The following UNC5D variants were observed in gnomAD, a reference collection of about 807,000 sequenced individuals.
The protein encoded by UNC5D is netrin receptor UNC5D.
UNC5D carries 39 observed loss-of-function variants against 105.4 expected under a neutral mutation model. The ratio of observed to expected loss-of-function variants is 0.37; its 90% CI spans 0.29 to 0.48. The LOEUF is 0.48. Among genes scored for constraint, UNC5D ranks in the 20% least tolerant of loss-of-function variants. The pLI is 0.98. For missense variants in UNC5D, 991 were observed against 1,202.4 expected (o/e 0.82, Z 2.60); for synonymous variants, 452 against 450.4 (o/e 1.00, Z -0.04).
chr8:35,719,891 G>A (rs1046712065), intron 8 of UNC5D, among the ~76,000 whole-genome samples: 4 of 152,118 alleles, frequency 2.6e-5, no homozygotes, highest in Admixed American at 6.5e-5. Flanking sequence ...TGTCCCTGAA[G>A]TTCCTCTACT....
At chr8:35,627,299 A>G (rs937896451) in intron 4 of UNC5D, among the ~76,000 whole-genome samples, 1 of 152,202 alleles carries the variant, frequency 6.6e-6, no homozygotes, top group East Asian at 1.9e-4. Context: ...ACGTTCAGAC[A>G]TAATCATCTG....
chr8:35,768,001 AATAT>A (rs1219307587), intron 15 of UNC5D, among the ~76,000 whole-genome samples: 3 of 150,354 alleles, frequency 2.0e-5, no homozygotes, highest in Non-Finnish European at 3.0e-5. Context: ...TTATAAAATA[AATAT>A]ATATATACAT....
chr8:35,716,239 A>T (rs931073814), intron 8 of UNC5D, among the ~76,000 whole-genome samples: 1 of 152,224 alleles, frequency 6.6e-6, no homozygotes, highest in Non-Finnish European at 1.5e-5. Context: ...ATGCGTCATC[A>T]TCAGTAAAAT....
chr8:35,610,626 C>A (rs1820609802), intron 4 of UNC5D, among the ~76,000 whole-genome samples: 1 of 151,784 alleles, frequency 6.6e-6, no homozygotes, highest in Non-Finnish European at 1.5e-5. Context: ...TAGAAGAGGC[C>A]ATGTAGAAGA....
intron 11 of UNC5D, among the ~76,000 whole-genome samples, chr8:35,739,801 CATTTT>C (rs1255674349): frequency 4.6e-5 from 7 of 152,194 alleles, no homozygotes; most frequent in Admixed American, 3.3e-4. Context: ...CTTTCCACTT[CATTTT>C]GTTATAGCCT....
In UNC5D at chr8:35,725,970, G is replaced by A. The variant is rs114905666; in HGVS notation, c.1304-182G>A. Among the ~76,000 whole-genome samples, 1,051 of 152,188 alleles carry A rather than the reference G, an allele frequency of 6.9e-3. 10 individuals are homozygous for A. The highest frequency in any genetic ancestry group is 0.024 in the African/African-American group (1,000 of 41,526). On this transcript the variant is annotated intron_variant, in intron 9 of 16. Transcript: ENST00000404895. ...TTAGAGAATGGACGGTGGAAGCCAG[G>A]GCTCTTGATTCAAAAGTTCTAGTCA...
chr8:35,375,571 A>G (rs1254343736), intron 1 of UNC5D, among the ~76,000 whole-genome samples: 1 of 152,214 alleles, frequency 6.6e-6, no homozygotes, highest in East Asian at 1.9e-4. Flanking sequence ...AACAAATAAG[A>G]TTAATGGTGT....
At chr8:35,551,915 T>C (rs890609518) in intron 2 of UNC5D, among the ~76,000 whole-genome samples, 6 of 152,050 alleles carry the variant, frequency 3.9e-5, no homozygotes, top group African/African-American at 1.4e-4. Flanking sequence ...AAAAGATATG[T>C]AGGTAAAACT....
At chr8:35,585,908 T>C (rs1446519173) in intron 3 of UNC5D, among the ~76,000 whole-genome samples, 1 of 151,956 alleles carries the variant, frequency 6.6e-6, no homozygotes, top group Non-Finnish European at 1.5e-5. Context: ...AACTGGAAGA[T>C]CTAACACAAA....
chr8:35,694,265 T>C (rs1327334237), intron 7 of UNC5D, among the ~76,000 whole-genome samples: 1 of 152,238 alleles, frequency 6.6e-6, no homozygotes, highest in East Asian at 1.9e-4. Flanking sequence ...GAGGCTGGCC[T>C]AGGTTGGGCC....
intron 1 of UNC5D, among the ~76,000 whole-genome samples, chr8:35,541,965 T>C (rs1345930961): frequency 6.6e-6 from 1 of 151,552 alleles, no homozygotes; most frequent in African/African-American, 2.4e-5. Flanking sequence ...CTCTTTGATT[T>C]CTTTGAATGT....
In UNC5D at chr8:35,549,274, T is replaced by G; in HGVS notation, c.104-18T>G. On this transcript the variant is annotated intron_variant, in intron 1 of 16. Coordinates refer to ENST00000404895, the MANE Select transcript of UNC5D (RefSeq NM_080872.4). Reference sequence around the variant, plus strand: ...TATCAATGTAGGCTGTGTTCTGATGTCTTTTTTGATTTCACAGGAACTGAC... The same window carrying G: ...TATCAATGTAGGCTGTGTTCTGATGGCTTTTTTGATTTCACAGGAACTGAC... 2 of 1,612,308 alleles carry G rather than the reference T, an allele frequency of 1.2e-6. No homozygotes were observed.
intron 1 of UNC5D, among the ~76,000 whole-genome samples, chr8:35,328,721 T>C (rs1279540982): frequency 3.9e-5 from 6 of 152,170 alleles, no homozygotes; most frequent in Admixed American, 2.6e-4. Flanking sequence ...TAAAGTTAGA[T>C]TGGCCCAAGG....
intron 1 of UNC5D, among the ~76,000 whole-genome samples, chr8:35,432,065 CCTCTGG>C (rs1449543241): frequency 1.3e-5 from 2 of 152,014 alleles, no homozygotes; most frequent in African/African-American, 2.4e-5. Flanking sequence ...AAGAGTATGG[CCTCTGG>C]AGTCAGTATA....
intron 1 of UNC5D, among the ~76,000 whole-genome samples, chr8:35,498,084 CAAAAAAAAAAA>C (rs58175711): frequency 1.2e-4 from 7 of 58,150 alleles, no homozygotes; most frequent in African/African-American, 1.8e-4. Flanking sequence ...CAAAACAAAA[CAAAAAAAAAAA>C]AAAAAAAAAA....
intron 1 of UNC5D, among the ~76,000 whole-genome samples, chr8:35,423,450 C>A (rs1001327650): frequency 1.3e-5 from 2 of 152,176 alleles, no homozygotes; most frequent in African/African-American, 4.8e-5. Flanking sequence ...ACACATAAGC[C>A]CTGGTCTTTT....
intron 1 of UNC5D, among the ~76,000 whole-genome samples, chr8:35,380,803 A>G (rs1434541126): frequency 6.6e-6 from 1 of 152,210 alleles, no homozygotes; most frequent in East Asian, 1.9e-4. Flanking sequence ...CTATGTACGC[A>G]TTGGAATCAT....
At chr8:35,378,194 TATG>T (rs1206684553) in intron 1 of UNC5D, among the ~76,000 whole-genome samples, 1 of 152,190 alleles carries the variant, frequency 6.6e-6, no homozygotes, top group African/African-American at 2.4e-5. Flanking sequence ...TGTTAACAAA[TATG>T]ATGTACACAT....
At position 35,396,369 on chromosome 8, in the gene UNC5D, G is replaced by A. The variant is rs113690692; in HGVS notation, c.104-152923G>A. Reference sequence around the variant, plus strand: ...GGAAAGCAGGCACAAGCAGTCAAGGGTCCTCTTCCAGTAGAGTCACACCGG... The same window carrying A: ...GGAAAGCAGGCACAAGCAGTCAAGGATCCTCTTCCAGTAGAGTCACACCGG... On this transcript the variant is annotated intron_variant, in intron 1 of 16. Transcript: ENST00000404895. Among the ~76,000 whole-genome samples, 519 of 152,234 alleles carry A rather than the reference G, an allele frequency of 3.4e-3. 7 individuals carry two copies. Among genetic ancestry groups the A allele is most frequent in the African/African-American group, 0.012 (498 of 41,550 alleles).
Sources: gnomAD v4.1 joint callset for allele counts (sites outside exome capture counted in the v4.1 genomes callset) on GRCh38, gnomAD v4.1.1 for gene constraint, MANE v1.5 for transcripts, NCBI Gene and HGNC (gene_info 2026-07-23, HGNC 2026-07-21) for gene names.